The following COL27A1 variants were observed in gnomAD, a reference collection of about 807,000 sequenced individuals.
COL27A1 encodes collagen alpha-1(XXVII) chain.
Under a neutral mutation model 251.3 loss-of-function variants are expected in COL27A1, and 106 were observed. The observed-to-expected ratio is 0.42, with a 90% CI of 0.36 to 0.50. COL27A1 has a LOEUF of 0.50. COL27A1 is among the 20% of genes least tolerant of loss of function. COL27A1 has a pLI of 0.00. For missense variants in COL27A1, 2,325 were observed against 2,522.8 expected (o/e 0.92, Z 1.68); for synonymous variants, 1,000 against 986.3 (o/e 1.01, Z -0.26).
In COL27A1 at chr9:114,283,777, C is replaced by A. The variant is rs1836081754; in HGVS notation, c.3933+15C>A. The A allele has an allele frequency of 6.2e-7, 1 of 1,613,516 alleles. No homozygotes were observed. The highest frequency in any genetic ancestry group is 8.5e-7 in the Non-Finnish European group (1 of 1,179,542). Reference sequence around the variant, plus strand: ...CTGGTTATGATGTAAGCAGATATCACCTCACCCCACCCCCCGACTCTGTCC... The same window carrying A: ...CTGGTTATGATGTAAGCAGATATCAACTCACCCCACCCCCCGACTCTGTCC... On this transcript the variant is annotated intron_variant, in intron 40 of 60. Coordinates refer to ENST00000356083, the MANE Select transcript of COL27A1 (RefSeq NM_032888.4).
rs766068706 is a variant in COL27A1 at position 114,167,959 on chromosome 9, C to T, written c.404C>T (p.Thr135Met). Residue 135 changes from threonine (T) to methionine (M), a missense_variant, in exon 3 of 61, where the codon ACG (threonine) becomes ATG (methionine). Transcript: ENST00000356083. ...GGCCTGCAGTTCCTCCCCGGCAAGA[C>T]GGTCGTCCACCTCGGGTCCCGGCGC... ...QLGLQFLPGK[T>M]VVHLGSRRSV... is the part of the protein sequence containing the mutation. The T allele has an allele frequency of 1.8e-5, 29 of 1,607,776 alleles. 1 individual carries two copies. The Middle Eastern group carries it at 6.6e-4, about 37-fold the overall frequency.
At chr9:114,178,801 G>A (rs1161305852) in intron 4 of COL27A1, among the ~76,000 whole-genome samples, 1 of 152,136 alleles carries the variant, frequency 6.6e-6, no homozygotes, top group Non-Finnish European at 1.5e-5. Flanking sequence ...GAGAGGCTGG[G>A]GGACAGCTTG....
At chr9:114,269,352 G>A (rs1588833836) in intron 35 of COL27A1, 58 bp downstream of exon 35, 2 of 1,259,570 alleles carry the variant, frequency 1.6e-6, no homozygotes, top group Non-Finnish European at 2.3e-6. Context: ...GTGCCGCAGG[G>A]GAAGAGACCG....
At chr9:114,264,242 GC>G in intron 28 of COL27A1, 112 bp from the exon 29 acceptor site, 1 of 744,696 alleles carries the variant, frequency 1.3e-6, no homozygotes, top group Non-Finnish European at 2.0e-6. Context: ...GGAGGAGGGG[GC>G]CGGAGCTTGT....
At chr9:114,220,517 G>A (rs1278439630) in intron 13 of COL27A1, among the ~76,000 whole-genome samples, 2 of 152,212 alleles carry the variant, frequency 1.3e-5, no homozygotes, top group African/African-American at 4.8e-5. Flanking sequence ...CGCTAATTCA[G>A]TTCCACAAAT....
chr9:114,202,852 A>G lies in COL27A1; in HGVS notation c.2125-2250A>G, dbSNP rs563192266. Among the ~76,000 whole-genome samples the G allele has an allele frequency of 7.9e-5, 12 of 151,934 alleles. 1 individual carries two copies. The highest frequency in any genetic ancestry group is 1.3e-4 in the Non-Finnish European group (9 of 67,970). ...ACCCTCTCTTCACCATCCCTCCCCA[A>G]TGCCGTGTTCTCTGTCTGTAACTTT... On this transcript the variant is annotated intron_variant, in intron 7 of 60. Coordinates refer to ENST00000356083, the MANE Select transcript of COL27A1 (RefSeq NM_032888.4).
chr9:114,290,291 C>A lies in COL27A1; in HGVS notation c.4328C>A (p.Pro1443Gln). 1 of 1,583,532 alleles carries A rather than the reference C, an allele frequency of 6.3e-7. No homozygotes were observed. The highest frequency in any genetic ancestry group is 1.2e-5 in the South Asian group (1 of 86,800). Reference sequence around the variant, plus strand: ...CAGGGCCTCGAGGGCATCGCTGGACCAGATGGGCTTCCTGGCAGGGACGGG... The same window carrying A: ...CAGGGCCTCGAGGGCATCGCTGGACAAGATGGGCTTCCTGGCAGGGACGGG... ...GRQGLEGIAG[P>Q]DGLPGRDGQA... Residue 1443 changes from proline (P) to glutamine (Q), a missense_variant, in exon 47 of 61, where the codon CCA (proline) becomes CAA (glutamine). Transcript: ENST00000356083. The surrounding 1 kb of genome is among the most constrained non-coding windows in gnomAD (Gnocchi z 4.6).
intron 13 of COL27A1, among the ~76,000 whole-genome samples, chr9:114,221,945 C>T (rs551358168): frequency 5.9e-5 from 9 of 152,234 alleles, no homozygotes; most frequent in Non-Finnish European, 1.2e-4. Context: ...ACCTTGATCG[C>T]GATTCCGCTC....
Position 114,173,590 on chromosome 9 carries a change from G to A in COL27A1, c.1908+4127G>A, listed in dbSNP as rs912234956. Among the ~76,000 whole-genome samples, 5 of 152,122 alleles carry A rather than the reference G, an allele frequency of 3.3e-5. No individual in the cohort carries two copies. In the East Asian group the frequency reaches 5.8e-4, roughly 18 times the overall value. On this transcript the variant is annotated intron_variant, in intron 3 of 60. Coordinates refer to ENST00000356083, the MANE Select transcript of COL27A1 (RefSeq NM_032888.4). The stretch of plus-strand genomic sequence containing the variant: ...GTCCTGTAGATGCCTGGTGCTGTAT[G>A]ACCTTTGGCAAATCACTTAACCTCT...
chr9:114,275,983 T>C (rs1256583235), intron 37 of COL27A1, among the ~76,000 whole-genome samples: 1 of 152,226 alleles, frequency 6.6e-6, no homozygotes, highest in Non-Finnish European at 1.5e-5. Context: ...CTGGCTGCCC[T>C]GCCCTGTGCA....
At chr9:114,266,047 A>C (rs754717250) in intron 32 of COL27A1, among the ~76,000 whole-genome samples, 47 of 152,120 alleles carry the variant, frequency 3.1e-4, no homozygotes, top group Admixed American at 1.0e-3. Context: ...CCCCATGAGG[A>C]GGCTGGAGAG....
chr9:114,250,355 C>T (rs971133671), intron 24 of COL27A1, among the ~76,000 whole-genome samples: 10 of 152,216 alleles, frequency 6.6e-5, no homozygotes, highest in African/African-American at 9.6e-5. Flanking sequence ...GCTTCTGGCG[C>T]GGGAAGAATG....
chr9:114,276,571 C>T (rs1213646418), intron 37 of COL27A1, among the ~76,000 whole-genome samples: 3 of 152,230 alleles, frequency 2.0e-5, no homozygotes, highest in Non-Finnish European at 4.4e-5. Context: ...CGCCACTGCA[C>T]TCCAGCCTGG....
intron 2 of COL27A1, among the ~76,000 whole-genome samples, chr9:114,166,397 A>AT (rs779248374): frequency 0.75 from 109,262 of 145,436 alleles, 41,887 homozygotes; most frequent in Admixed American, 0.83. Flanking sequence ...CCATCCATCC[A>AT]CCCACCCACC....
chr9:114,256,205 C>A (rs760653813), intron 27 of COL27A1, among the ~76,000 whole-genome samples: 16 of 152,198 alleles, frequency 1.1e-4, no homozygotes, highest in Non-Finnish European at 2.1e-4. Flanking sequence ...AGATTATTAT[C>A]CCCAGGCCAG....
intron 36 of COL27A1, chr9:114,271,073 C>T (rs902141709): frequency 1.2e-5 from 5 of 425,524 alleles, no homozygotes; most frequent in South Asian, 3.7e-5. Context: ...TCCTGAGCAC[C>T]GGCACTACGC....
chr9:114,182,198 A>AAT (rs201991945), intron 4 of COL27A1, among the ~76,000 whole-genome samples: 1 of 138,218 alleles, frequency 7.2e-6, no homozygotes, highest in African/African-American at 2.7e-5. Context: ...ATAAAATAAT[A>AAT]AAAATAATAA....
intron 28 of COL27A1, 126 bp downstream of exon 28, chr9:114,258,720 C>A: frequency 3.1e-6 from 3 of 977,000 alleles, no homozygotes; most frequent in Admixed American, 2.1e-5. Context: ...ACTTTCATAG[C>A]ACAAGGCAAG....
chr9:114,201,097 T>A (rs777340893), intron 7 of COL27A1, among the ~76,000 whole-genome samples: 1 of 152,170 alleles, frequency 6.6e-6, no homozygotes, highest in Non-Finnish European at 1.5e-5. Flanking sequence ...TTGTAAGCAA[T>A]GATTCATCTG....
Sources: allele counts gnomAD v4.1 joint callset (sites outside exome capture counted in the v4.1 genomes callset), GRCh38; gene constraint gnomAD v4.1.1; non-coding constraint Gnocchi (gnomAD v3.1); transcripts MANE v1.5; gene names NCBI Gene and HGNC (gene_info 2026-07-23, HGNC 2026-07-21).